Variants in DPY19L2 observed in about 807,000 individuals in gnomAD.
DPY19L2 encodes dpy-19 like 2.
A neutral mutation model predicts 97.9 loss-of-function variants in DPY19L2; 34 were observed. That is an observed-to-expected ratio of 0.35 (90% confidence interval 0.26 to 0.46). The LOEUF is 0.46. Among genes scored for constraint, DPY19L2 ranks in the 20% least tolerant of loss-of-function variants. The pLI, the probability that DPY19L2 is intolerant of heterozygous loss-of-function variation, is 1.00. For missense variants in DPY19L2, 623 were observed against 911.4 expected (o/e 0.68, Z 4.07); for synonymous variants, 230 against 307.9 (o/e 0.75, Z 2.65).
Position 63,594,464 on chromosome 12 carries a change from A to AGAGTGTGTGTGTGTGT in DPY19L2, c.1534-332_1534-331insACACACACACACACTC, listed in dbSNP as rs1555189197. Reference sequence around the variant, plus strand: ...CTGCAGGGATGAGAGAGAGAGAGATAGTGTGTGTGTGTGTGTGTGTGTGTG... The same window carrying AGAGTGTGTGTGTGTGT: ...CTGCAGGGATGAGAGAGAGAGAGATAGAGTGTGTGTGTGTGTGTGTGTGTGTGTGTGTGTGTGTGTG... On this transcript the variant is annotated intron_variant, in intron 15 of 21. Transcript: ENST00000324472. 4.6e-3 allele frequency among the ~76,000 whole-genome samples: 580 copies of AGAGTGTGTGTGTGTGT among 124,974 alleles called. 12 individuals carry two copies. Among genetic ancestry groups the AGAGTGTGTGTGTGTGT allele is most frequent in the Non-Finnish European group, 5.7e-3 (350 of 61,276 alleles). The allele number at this position is 124,974 out of a possible 152,430, so 82.0% of individuals were successfully genotyped here. A position where few individuals can be genotyped will look rare whatever the true frequency, so the allele number is the denominator to read the frequency against.
In DPY19L2 at chr12:63,586,549, C is replaced by T. The variant is rs898793391; in HGVS notation, c.1581-2713G>A. 5.3e-5 allele frequency among the ~76,000 whole-genome samples: 8 copies of T among 152,258 alleles called. 1 individual carries two copies. The highest frequency in any genetic ancestry group is 9.6e-5 in the African/African-American group (4 of 41,554). On this transcript the variant is annotated intron_variant, in intron 16 of 21. Coordinates refer to ENST00000324472, the MANE Select transcript of DPY19L2 (RefSeq NM_173812.5). ...GGTCTCTAGGTACAGAGCCTGAGTA[C>T]GAATTCTGCCTCCACTACTCACTAG...
intron 21 of DPY19L2, among the ~76,000 whole-genome samples, chr12:63,561,365 C>T (rs1175863665): frequency 1.3e-5 from 2 of 152,116 alleles, no homozygotes; most frequent in Non-Finnish European, 2.9e-5. Context: ...GTAAGAACTA[C>T]CACAATCGTA....
chr12:63,589,381 A>AAAAAAAAAAAAAAAAAAAAAAAAT (rs1882462613), intron 16 of DPY19L2, among the ~76,000 whole-genome samples: 1 of 139,642 alleles, frequency 7.2e-6, no homozygotes, highest in African/African-American at 2.7e-5. Context: ...AAAAAAAAAA[A>AAAAAAAAAAAAAAAAAAAAAAAAT]AAAAAAAAAA....
At chr12:63,652,012 C>A (rs146821419) in intron 4 of DPY19L2, 11,354 of 223,580 alleles carry the variant, frequency 0.051, 327 homozygotes, top group African/African-American at 0.082. Context: ...CTCCTCCTCA[C>A]AGCCCACATG....
intron 2 of DPY19L2, among the ~76,000 whole-genome samples, chr12:63,664,209 T>C (rs1592780183): frequency 6.6e-6 from 1 of 151,990 alleles, no homozygotes; most frequent in African/African-American, 2.4e-5. Flanking sequence ...TGGTAGTGCA[T>C]GTCTGTAATC....
chr12:63,574,769 AAT>A (rs35343673), intron 19 of DPY19L2, among the ~76,000 whole-genome samples: 7,522 of 152,012 alleles, frequency 0.049, 215 homozygotes, highest in African/African-American at 0.066. Context: ...AACAATTGTA[AAT>A]ATATATACAC....
intron 7 of DPY19L2, among the ~76,000 whole-genome samples, chr12:63,624,423 A>G (rs7301122): frequency 0.15 from 22,346 of 151,840 alleles, 1,850 homozygotes; most frequent in Middle Eastern, 0.22. Context: ...TCTGGAACTG[A>G]CCAACTAGAT....
chr12:63,625,220 A>G (rs1402835162), intron 7 of DPY19L2, among the ~76,000 whole-genome samples: 2 of 151,878 alleles, frequency 1.3e-5, no homozygotes, highest in African/African-American at 4.8e-5. Flanking sequence ...ACATGGTGAA[A>G]CTCCATCTCT....
chr12:63,620,898 G>A (rs1888585306), intron 9 of DPY19L2, among the ~76,000 whole-genome samples: 2 of 152,034 alleles, frequency 1.3e-5, no homozygotes, highest in Non-Finnish European at 2.9e-5. Flanking sequence ...ACAAGATCAG[G>A]TCCTTTGCAG....
chr12:63,570,348 T>C (rs983277115), intron 20 of DPY19L2, among the ~76,000 whole-genome samples: 4 of 152,280 alleles, frequency 2.6e-5, no homozygotes, highest in Non-Finnish European at 4.4e-5. Flanking sequence ...TGGCCACCAG[T>C]AAGATCTAGA....
chr12:63,572,831 C>T (rs1203630270), intron 19 of DPY19L2, among the ~76,000 whole-genome samples: 1 of 152,046 alleles, frequency 6.6e-6, no homozygotes, highest in African/African-American at 2.4e-5. Context: ...CCAAGACCAC[C>T]AAGGTAGTAC....
chr12:63,619,165 G>A (rs560776868), intron 9 of DPY19L2, among the ~76,000 whole-genome samples: 1 of 152,040 alleles, frequency 6.6e-6, no homozygotes, highest in Non-Finnish European at 1.5e-5. Flanking sequence ...ATTGGGCCAG[G>A]CATGGTGGCT....
chr12:63,600,466 T>C (rs1477578285), intron 12 of DPY19L2, 80 bp from the exon 13 acceptor site: 46 of 1,216,306 alleles, frequency 3.8e-5, no homozygotes, highest in South Asian at 2.7e-5. Flanking sequence ...ACAAATGACA[T>C]AGAAAAAATT....
chr12:63,653,659 A>C (rs1322086866), intron 4 of DPY19L2, among the ~76,000 whole-genome samples: 3 of 152,184 alleles, frequency 2.0e-5, no homozygotes, highest in African/African-American at 7.2e-5. Flanking sequence ...AAGCTGAGCA[A>C]ATCTCAAACA....
intron 6 of DPY19L2, among the ~76,000 whole-genome samples, chr12:63,638,895 A>C (rs1892214529): frequency 6.6e-6 from 1 of 152,154 alleles, no homozygotes; most frequent in African/African-American, 2.4e-5. Context: ...CGCATTGCCA[A>C]GACAATCCTA....
At chr12:63,631,855 G>A (rs1019625886) in intron 6 of DPY19L2, among the ~76,000 whole-genome samples, 1 of 152,054 alleles carries the variant, frequency 6.6e-6, no homozygotes, top group African/African-American at 2.4e-5. Context: ...ACATCAAAAA[G>A]CTTATCTACC....
At position 63,597,871 on chromosome 12, in the gene DPY19L2, A is replaced by C; in HGVS notation, c.1399T>G (p.Tyr467Asp). The C allele has an allele frequency of 6.2e-7, 1 of 1,603,260 alleles. No individual in the cohort carries two copies. Among genetic ancestry groups the C allele is most frequent in the Non-Finnish European group, 8.5e-7 (1 of 1,176,946 alleles). ...TATATTAAAGTATCAAAATCTGTAT[A>C]CCTTAAGATTCTGGCTGCTATAAGA... ...SDLIAARILRYTDFDTLIYTC... is the reference protein window; with the variant it reads ...SDLIAARILRDTDFDTLIYTC... Residue 467 changes from tyrosine (Y) to aspartate (D), a missense_variant, in exon 14 of 22, where the codon TAT becomes GAT. Around this residue, in one of 6 missense-constraint regions of DPY19L2, gnomAD observed 294 missense variants for 446.2 expected, o/e 0.66. Coordinates refer to ENST00000324472, the MANE Select transcript of DPY19L2 (RefSeq NM_173812.5).
At chr12:63,652,674 C>T (rs1050928316) in intron 4 of DPY19L2, among the ~76,000 whole-genome samples, 18 of 152,196 alleles carry the variant, frequency 1.2e-4, no homozygotes, top group Middle Eastern at 3.4e-3. Context: ...AATGCAGGAA[C>T]GGAAAACTAA....
intron 6 of DPY19L2, among the ~76,000 whole-genome samples, chr12:63,632,615 A>T (rs1221249222): frequency 6.6e-6 from 1 of 152,186 alleles, no homozygotes; most frequent in African/African-American, 2.4e-5. Flanking sequence ...GGAAGAATCA[A>T]TATCGTGAAA....
Sources: gnomAD v4.1 joint callset for allele counts (sites outside exome capture counted in the v4.1 genomes callset) on GRCh38, gnomAD v4.1.1 for gene constraint, gnomAD v4.1.1 regional missense constraint, MANE v1.5 for transcripts, NCBI Gene and HGNC (gene_info 2026-07-23, HGNC 2026-07-21) for gene names.